The following SPACA3 variants were observed in gnomAD, a reference collection of about 807,000 sequenced individuals.
SPACA3 encodes sperm acrosome associated 3.
In SPACA3, 21 loss-of-function variants were observed where a neutral mutation model predicts 24.5. The ratio of observed to expected loss-of-function variants is 0.86; its 90% CI spans 0.61 to 1.24. SPACA3 has a LOEUF of 1.24. SPACA3 is among the 50% of genes most tolerant of loss of function. The probability of loss-of-function intolerance (pLI) is 0.00; values close to 1 mark genes in which losing one functional copy is unlikely to be tolerated. For synonymous variants in SPACA3, 115 were observed against 106.9 expected, an observed-to-expected ratio of 1.08 and a Z score of -0.47; for missense variants, 278 against 275.5, an observed-to-expected ratio of 1.01 and a Z score of -0.06.
At chr17:32,995,293 A>G in intron 1 of SPACA3, 116 bp from the exon 2 acceptor site, 1 of 938,144 alleles carries the variant, frequency 1.1e-6, no homozygotes. Context: ...AGGATGGGGA[A>G]GGAGAGGGGC....
At chr17:32,995,359 GCTGGAGC>G (rs995055122) in intron 1 of SPACA3, 43 bp from the exon 2 acceptor site, 2 of 1,531,652 alleles carry the variant, frequency 1.3e-6, no homozygotes, top group Non-Finnish European at 1.8e-6. Flanking sequence ...GATACGTGCT[GCTGGAGC>G]CTGGCCTTCT....
In SPACA3 at chr17:32,991,861, G is replaced by A. The variant is rs1246047309; in HGVS notation, c.-78G>A. ...ATTGTTCTCTTAACACTGGGTGCCT[G>A]GGGCCCTGGCAAGGTTGTGGGGGAC... On this transcript the variant is annotated 5_prime_UTR_variant, in exon 1 of 5. Transcript: ENST00000269053. 6.2e-7 allele frequency: 1 copy of A among 1,602,566 alleles called. No homozygotes were observed. The highest frequency in any genetic ancestry group is 8.5e-7 in the Non-Finnish European group (1 of 1,170,376).
At chr17:32,992,265 T>C (rs907394394) in intron 1 of SPACA3, among the ~76,000 whole-genome samples, 8 of 151,422 alleles carry the variant, frequency 5.3e-5, no homozygotes, top group Non-Finnish European at 1.0e-4. Flanking sequence ...AACTTAGGGA[T>C]ATTAACCCCA....
At chr17:32,997,308 G>A (rs1315376990) in intron 3 of SPACA3, 137 bp from the exon 4 acceptor site, 2 of 711,936 alleles carry the variant, frequency 2.8e-6, no homozygotes, top group Non-Finnish European at 4.6e-6. Context: ...ATTTAGGCGA[G>A]TGGAGTGTGT....
In SPACA3 at chr17:32,996,983, T is replaced by C. The variant is rs2091726468; in HGVS notation, c.484T>C (p.Cys162Arg). The C allele has an allele frequency of 1.3e-6, 2 of 1,568,000 alleles. No homozygotes were observed. The highest frequency in any genetic ancestry group is 1.7e-4 in the Middle Eastern group (1 of 5,832). ...SNLTPNVPNV[C>R]RMYCSDLLNP... The stretch of plus-strand genomic sequence containing the variant: ...CCTCACCCCGAACGTCCCCAACGTG[T>C]GCCGGATGTACTGCTCAGGTAGCTG... The change falls in exon 3 of 5, where the codon TGC becomes CGC. Residue 162 changes from cysteine to arginine, a missense_variant. Coordinates refer to ENST00000269053, the MANE Select transcript of SPACA3 (RefSeq NM_173847.5).
chr17:32,992,845 C>T, intron 1 of SPACA3: 1 of 468,338 alleles, frequency 2.1e-6, no homozygotes, highest in Admixed American at 2.4e-5. Flanking sequence ...TCGTGAAGGG[C>T]CGTGTGGACC....
In SPACA3 at chr17:32,991,987, C is replaced by T. The variant is rs780264705; in HGVS notation, c.34+15C>T. ...ACCCCTGATCAGTGAGCCCCCTTTCCCTTCTTCCTGGGGCTGTTAACAGGG... is the reference window on the plus strand; with the variant it reads ...ACCCCTGATCAGTGAGCCCCCTTTCTCTTCTTCCTGGGGCTGTTAACAGGG... On this transcript the variant is annotated intron_variant, in intron 1 of 4. Transcript: ENST00000269053. 2 of 1,613,574 alleles carry T rather than the reference C, an allele frequency of 1.2e-6. No individual in the cohort carries two copies. Among genetic ancestry groups the T allele is most frequent in the South Asian group, 1.1e-5 (1 of 90,986 alleles).
intron 1 of SPACA3, among the ~76,000 whole-genome samples, chr17:32,993,889 G>C (rs550006211): frequency 2.0e-5 from 3 of 152,050 alleles, no homozygotes; most frequent in Admixed American, 2.0e-4. Flanking sequence ...GCTTGGTGAT[G>C]GGAAGGACAA....
chr17:32,992,747 A>G, intron 1 of SPACA3: 5 of 393,626 alleles, frequency 1.3e-5, no homozygotes, highest in South Asian at 7.8e-5. Flanking sequence ...TGTTCTAGAA[A>G]GCAAGGTCAT....
At chr17:32,993,434 G>A (rs1409362476) in intron 1 of SPACA3, among the ~76,000 whole-genome samples, 1 of 152,140 alleles carries the variant, frequency 6.6e-6, no homozygotes, top group Non-Finnish European at 1.5e-5. Context: ...TTTATGGCCT[G>A]GGCAGAAGTG....
In SPACA3 at chr17:32,997,473, C is replaced by G; in HGVS notation, c.531C>G (p.Thr177=). The change falls in exon 4 of 5, where the codon ACC becomes ACG. Residue 177 remains threonine (T), a synonymous_variant. Transcript: ENST00000269053. ...TGTTGAATCCTAATCTCAAGGATAC[C>G]GTTATCTGTGCCATGAAGATAACCC... ...SDLLNPNLKD[T]VICAMKITQE... 1 of 1,614,040 alleles carries G rather than the reference C, an allele frequency of 6.2e-7. No homozygotes were observed. The highest frequency in any genetic ancestry group is 8.5e-7 in the Non-Finnish European group (1 of 1,180,014).
rs773159645 is a variant in SPACA3 at position 32,996,967 on chromosome 17, G to A, written c.468G>A (p.Pro156=). 26 of 1,591,930 alleles carry A rather than the reference G, an allele frequency of 1.6e-5. No individual in the cohort carries two copies. Among genetic ancestry groups the A allele is most frequent in the Admixed American group, 3.5e-5 (2 of 57,646 alleles). Residue 156 remains proline, a synonymous_variant, in exon 3 of 5, where the codon CCG becomes CCA. Transcript: ENST00000269053. ...GGAGGTGGTGCAGCAACCTCACCCCGAACGTCCCCAACGTGTGCCGGATGT... is the reference window on the plus strand; with the variant it reads ...GGAGGTGGTGCAGCAACCTCACCCCAAACGTCCCCAACGTGTGCCGGATGT... ...NSRRWCSNLT[P]NVPNVCRMYC...
intron 1 of SPACA3, among the ~76,000 whole-genome samples, chr17:32,993,345 G>A (rs2091702612): frequency 6.6e-6 from 1 of 152,206 alleles, no homozygotes; most frequent in African/African-American, 2.4e-5. Context: ...GTGGCTAACA[G>A]CAGGGCTGCC....
rs754375281 is a variant in SPACA3, at chr17:32,997,824, C to T, written c.*46C>T. 2 of 1,599,054 alleles carry T rather than the reference C, an allele frequency of 1.3e-6. No individual in the cohort carries two copies. Among genetic ancestry groups the T allele is most frequent in the Non-Finnish European group, 1.7e-6 (2 of 1,166,426 alleles). ...GCAGGCTGGGAAATGTGGTTTGGTT[C>T]CTGACCTAGGCTTGGGAAGACAAGC... On this transcript the variant is annotated 3_prime_UTR_variant, in exon 5 of 5. Transcript: ENST00000269053.
intron 3 of SPACA3, 43 bp from the exon 4 acceptor site, chr17:32,997,402 T>G (rs2091729541): frequency 2.0e-6 from 3 of 1,525,600 alleles, no homozygotes; most frequent in Non-Finnish European, 2.7e-6. Flanking sequence ...CACACCTGGA[T>G]GTCTCCTGTT....
intron 1 of SPACA3, among the ~76,000 whole-genome samples, chr17:32,994,872 G>T (rs1364071954): frequency 6.6e-6 from 1 of 152,204 alleles, no homozygotes; most frequent in Admixed American, 6.5e-5. Flanking sequence ...CAGGGAGAAG[G>T]GCTTTTTGCA....
intron 1 of SPACA3, 123 bp from the exon 2 acceptor site, chr17:32,995,282 CAGGA>C: frequency 1.2e-6 from 1 of 828,262 alleles, no homozygotes; most frequent in Non-Finnish European, 1.9e-6. Context: ...TGGTGTGAAG[CAGGA>C]TGGGGAAGGA....
At chr17:32,996,649 A>C (rs1266863214) in intron 2 of SPACA3, among the ~76,000 whole-genome samples, 194 bp from the exon 3 acceptor site, 1 of 152,106 alleles carries the variant, frequency 6.6e-6, no homozygotes, top group Non-Finnish European at 1.5e-5. Context: ...GCTGGATGGG[A>C]CCCTGGGTGA....
At chr17:32,992,526 A>G (rs2091695727) in intron 1 of SPACA3, among the ~76,000 whole-genome samples, 3 of 152,222 alleles carry the variant, frequency 2.0e-5, no homozygotes, top group Non-Finnish European at 2.9e-5. Context: ...GCAGATAAAT[A>G]AGACCAGCCG....
Sources: gnomAD v4.1 joint callset for allele counts (sites outside exome capture counted in the v4.1 genomes callset) on GRCh38, gnomAD v4.1.1 for gene constraint, MANE v1.5 for transcripts, NCBI Gene and HGNC (gene_info 2026-07-23, HGNC 2026-07-21) for gene names.